Variants in LRFN5 observed in about 807,000 individuals in gnomAD.
The protein encoded by LRFN5 is leucine-rich repeat and fibronectin type-III domain-containing protein 5.
Under a neutral mutation model 45.6 loss-of-function variants are expected in LRFN5, and 24 were observed. That is an observed-to-expected ratio of 0.53 (90% confidence interval 0.38 to 0.74). The LOEUF (loss-of-function observed/expected upper bound fraction) is 0.74. Among genes scored for constraint, LRFN5 ranks in the 30% least tolerant of loss-of-function variants. The pLI is 0.00. For synonymous variants in LRFN5, 340 were observed against 313.8 expected (o/e 1.08, Z -0.88); for missense variants, 776 against 861.5 (o/e 0.90, Z 1.24).
At chr14:41,857,175 T>A (rs1318555857) in intron 2 of LRFN5, among the ~76,000 whole-genome samples, 1 of 152,190 alleles carries the variant, frequency 6.6e-6, no homozygotes. Flanking sequence ...ACAATTAATT[T>A]AAGTGGAAGT....
At chr14:41,677,692 T>C (rs1251009976) in intron 1 of LRFN5, among the ~76,000 whole-genome samples, 1 of 152,072 alleles carries the variant, frequency 6.6e-6, no homozygotes, top group Non-Finnish European at 1.5e-5. Flanking sequence ...ATAATAGTTA[T>C]GTGATCCAAT....
chr14:41,828,450 T>C (rs939280953), intron 2 of LRFN5, among the ~76,000 whole-genome samples: 15 of 152,038 alleles, frequency 9.9e-5, no homozygotes, highest in African/African-American at 3.4e-4. Flanking sequence ...AAGTAGTTGA[T>C]GAAGAAATGT....
chr14:41,748,888 A>T (rs1450657870), intron 1 of LRFN5, among the ~76,000 whole-genome samples: 3 of 151,676 alleles, frequency 2.0e-5, no homozygotes, highest in Admixed American at 6.6e-5. Flanking sequence ...AGAATACCAC[A>T]GACAGGATAT....
intron 2 of LRFN5, among the ~76,000 whole-genome samples, chr14:41,839,212 A>T (rs1888771681): frequency 6.6e-6 from 1 of 152,102 alleles, no homozygotes; most frequent in African/African-American, 2.4e-5. Flanking sequence ...TGCATGTATA[A>T]ACAAAATAAT....
intron 2 of LRFN5, among the ~76,000 whole-genome samples, chr14:41,872,876 A>G (rs1890064720): frequency 6.6e-6 from 1 of 152,252 alleles, no homozygotes; most frequent in Non-Finnish European, 1.5e-5. Flanking sequence ...TAACATGGGC[A>G]CATATGTGTG....
intron 1 of LRFN5, among the ~76,000 whole-genome samples, chr14:41,757,071 G>C (rs1336049270): frequency 3.9e-5 from 6 of 152,160 alleles, no homozygotes; most frequent in Non-Finnish European, 8.8e-5. Context: ...GCAGAACAGA[G>C]GATATTGGTG....
intron 1 of LRFN5, among the ~76,000 whole-genome samples, chr14:41,622,358 T>C (rs1203034878): frequency 1.3e-5 from 2 of 152,094 alleles, no homozygotes; most frequent in Non-Finnish European, 2.9e-5. Flanking sequence ...CTGGATCTAA[T>C]AGAATTTTAC....
intron 2 of LRFN5, among the ~76,000 whole-genome samples, chr14:41,775,993 G>A (rs1886280056): frequency 6.6e-6 from 1 of 152,138 alleles, no homozygotes; most frequent in Admixed American, 6.5e-5. Flanking sequence ...TCTTTAGGTA[G>A]TTATATGCAA....
At chr14:41,892,300 TATAC>T in intron 4 of LRFN5, 1 of 962,592 alleles carries the variant, frequency 1.0e-6, no homozygotes, top group Non-Finnish European at 1.2e-6. Flanking sequence ...AGTATATATA[TATAC>T]ACATATATAA....
chr14:41,606,977 G>A lies in LRFN5; in HGVS notation c.-1782G>A, dbSNP rs1887506659. On this transcript the variant is annotated 5_prime_UTR_variant, in exon 1 of 6. Transcript: ENST00000298119. ...ACGCTTTGGGAAGCCCAGCTCCCGGGTCCGCCCCGGCCGCGGCCGCAGCCC... is the reference window on the plus strand; with the variant it reads ...ACGCTTTGGGAAGCCCAGCTCCCGGATCCGCCCCGGCCGCGGCCGCAGCCC... Among the ~76,000 whole-genome samples, 1 of 151,980 alleles carries A rather than the reference G, an allele frequency of 6.6e-6. No homozygotes were observed. The highest frequency in any genetic ancestry group is 1.5e-5 in the Non-Finnish European group (1 of 67,962).
At chr14:41,792,105 G>T (rs957489047) in intron 2 of LRFN5, among the ~76,000 whole-genome samples, 4 of 152,018 alleles carry the variant, frequency 2.6e-5, no homozygotes, top group Non-Finnish European at 5.9e-5. Flanking sequence ...GCTGCCGGGG[G>T]TGACATCACA....
At chr14:41,634,503 T>C (rs549486055) in intron 1 of LRFN5, among the ~76,000 whole-genome samples, 40 of 152,278 alleles carry the variant, frequency 2.6e-4, no homozygotes, top group African/African-American at 8.7e-4. Context: ...TCTTCTGTAC[T>C]TCAACAGTAG....
At chr14:41,853,573 A>ATTG (rs1330065601) in intron 2 of LRFN5, among the ~76,000 whole-genome samples, 27 of 152,178 alleles carry the variant, frequency 1.8e-4, no homozygotes, top group Middle Eastern at 3.4e-3. Context: ...GGGTTACATT[A>ATTG]GGTTTCCATT....
At chr14:41,726,895 T>C (rs1476737281) in intron 1 of LRFN5, among the ~76,000 whole-genome samples, 2 of 152,206 alleles carry the variant, frequency 1.3e-5, no homozygotes, top group Non-Finnish European at 2.9e-5. Flanking sequence ...CAAAAGGCTG[T>C]AATTGTATGT....
intron 1 of LRFN5, among the ~76,000 whole-genome samples, chr14:41,766,605 A>C (rs1885892772): frequency 6.6e-6 from 1 of 152,208 alleles, no homozygotes. Context: ...GATTATTTAA[A>C]TTATCCTCAG....
chr14:41,716,010 G>C (rs1477337572), intron 1 of LRFN5, among the ~76,000 whole-genome samples: 9 of 152,164 alleles, frequency 5.9e-5, no homozygotes, highest in Non-Finnish European at 1.3e-4. Context: ...CTCTGCACTG[G>C]CAGGCTCAAC....
At chr14:41,638,352 C>CGAGA (rs1262138986) in intron 1 of LRFN5, among the ~76,000 whole-genome samples, 1 of 152,072 alleles carries the variant, frequency 6.6e-6, no homozygotes, top group African/African-American at 2.4e-5. Context: ...GTGGAAGCAT[C>CGAGA]TCTCTAGTGT....
intron 1 of LRFN5, among the ~76,000 whole-genome samples, chr14:41,705,296 T>A (rs1883018207): frequency 6.6e-6 from 1 of 152,218 alleles, no homozygotes; most frequent in Non-Finnish European, 1.5e-5. Flanking sequence ...TAAATACTAA[T>A]GTCACCACAG....
intron 2 of LRFN5, among the ~76,000 whole-genome samples, chr14:41,881,772 C>T (rs1890389358): frequency 6.6e-6 from 1 of 152,000 alleles, no homozygotes; most frequent in South Asian, 2.1e-4. Context: ...TCTGCTGTGC[C>T]CAATCTTCTG....
Sources: gnomAD v4.1 joint callset for allele counts (sites outside exome capture counted in the v4.1 genomes callset) on GRCh38, gnomAD v4.1.1 for gene constraint, MANE v1.5 for transcripts, NCBI Gene and HGNC (gene_info 2026-07-23, HGNC 2026-07-21) for gene names.